Variants in UGT1A5 observed in about 807,000 individuals in gnomAD.
The protein encoded by UGT1A5 is UDP glucuronosyltransferase family 1 member A5, also known as UDP-glucuronosyltransferase 1A5.
In UGT1A5, 29 loss-of-function variants were observed where a neutral mutation model predicts 40.3. The observed-to-expected ratio is 0.72, with a 90% CI of 0.54 to 0.98. UGT1A5 has a LOEUF of 0.98. Among genes scored for constraint, UGT1A5 ranks in the 50% least tolerant of loss-of-function variants. The pLI is 0.00. For synonymous variants in UGT1A5, 257 were observed against 262.5 expected, an observed-to-expected ratio of 0.98 and a Z score of 0.20; for missense variants, 678 against 677.9, an observed-to-expected ratio of 1.00 and a Z score of 0.00.
At chr2:233,737,147 T>C (rs909565111) in intron 1 of UGT1A5, among the ~76,000 whole-genome samples, 2 of 152,240 alleles carry the variant, frequency 1.3e-5, no homozygotes, top group African/African-American at 4.8e-5. Flanking sequence ...TGTTCAGATA[T>C]GCCCTGCCCA....
Position 233,768,455 on chromosome 2 carries a change from CAGA to C in UGT1A5, c.1307+21_1307+23del, listed in dbSNP as rs1237588109. On this transcript the variant is annotated intron_variant, in intron 4 of 4. Transcript: ENST00000373414. The stretch of plus-strand genomic sequence containing the variant: ...ATGACAAAAGGTAAGAAAGAAGATA[CAGA>C]AGAATACTTTGGTCATGGCATTCAT... 4 of 1,610,124 alleles carry C rather than the reference CAGA, an allele frequency of 2.5e-6. No homozygotes were observed. The African/African-American group carries it at 5.4e-5, about 22-fold the overall frequency.
rs939644938 is a variant in UGT1A5 at position 233,772,877 on chromosome 2, G to A, written c.*318G>A. On this transcript the variant is annotated 3_prime_UTR_variant, in exon 5 of 5. Coordinates refer to ENST00000373414, the MANE Select transcript of UGT1A5 (RefSeq NM_019078.2). Reference sequence around the variant, plus strand: ...TGAAACATGGCCTGTTTGGGAGTGCGGGATTCAAAGGTGGTCCCACGGCTG... The same window carrying A: ...TGAAACATGGCCTGTTTGGGAGTGCAGGATTCAAAGGTGGTCCCACGGCTG... 4.0e-5 allele frequency: 23 copies of A among 579,274 alleles called. No individual in the cohort carries two copies. The highest frequency in any genetic ancestry group is 3.1e-4 in the East Asian group (6 of 19,490). The allele number at this position is 579,274 out of a possible 1,614,324, so 35.9% of individuals were successfully genotyped here. A position where few individuals can be genotyped will look rare whatever the true frequency, so the allele number is the denominator to read the frequency against.
chr2:233,762,045 A>C (rs187851388), intron 1 of UGT1A5, among the ~76,000 whole-genome samples: 1 of 151,840 alleles, frequency 6.6e-6, no homozygotes, highest in African/African-American at 2.4e-5. Flanking sequence ...TTTTCTGTGC[A>C]TTTTCCTTCA....
At chr2:233,771,672 A>G (rs1345371063) in intron 4 of UGT1A5, 4 of 152,446 alleles carry the variant, frequency 2.6e-5, no homozygotes, top group Non-Finnish European at 4.4e-5. Flanking sequence ...CTCACAAAAT[A>G]TCACTAAAAA....
chr2:233,748,945 A>T (rs1040839145), intron 1 of UGT1A5, among the ~76,000 whole-genome samples: 1 of 151,666 alleles, frequency 6.6e-6, no homozygotes, highest in Non-Finnish European at 1.5e-5. Context: ...AACCCACCCT[A>T]TCCCACTCCA....
intron 1 of UGT1A5, among the ~76,000 whole-genome samples, chr2:233,758,755 T>C (rs1329338381): frequency 1.3e-5 from 2 of 152,208 alleles, no homozygotes; most frequent in African/African-American, 4.8e-5. Flanking sequence ...TGGCCAGTGA[T>C]GTGTATGGTT....
At position 233,728,248 on chromosome 2, in the gene UGT1A5, GA is replaced by G. The variant is rs150082316; in HGVS notation, c.867+14391del. ...ATCTTCAGGATGAAATAAAGGCCTGGATGACTGAAATAAAGACTGGAGCCTT... is the reference window on the plus strand; with the variant it reads ...ATCTTCAGGATGAAATAAAGGCCTGGTGACTGAAATAAAGACTGGAGCCTT... On this transcript the variant is annotated intron_variant, in intron 1 of 4. Transcript: ENST00000373414. 8.8e-3 allele frequency among the ~76,000 whole-genome samples: 1,334 copies of G among 152,284 alleles called. 20 individuals carry two copies. The highest frequency in any genetic ancestry group is 0.03 in the African/African-American group (1,244 of 41,558).
chr2:233,769,545 C>T lies in UGT1A5; in HGVS notation c.1307+1106C>T. ...ACCTCCTTTAGAAAGAAGCAGCAGT[C>T]AGGAAGACAGATGTGAAGAGCTGGA... is the stretch of plus-strand genomic sequence containing the variant. On this transcript the variant is annotated intron_variant, in intron 4 of 4. Transcript: ENST00000373414. This position sits in a 1 kb window ranked among gnomAD's most constrained non-coding sequence, Gnocchi z 4.4. 6.2e-7 allele frequency: 1 copy of T among 1,612,746 alleles called. No homozygotes were observed. Among genetic ancestry groups the T allele is most frequent in the Non-Finnish European group, 8.5e-7 (1 of 1,179,828 alleles).
At chr2:233,747,246 G>A (rs1208197105) in intron 1 of UGT1A5, 9 of 1,601,988 alleles carry the variant, frequency 5.6e-6, no homozygotes, top group Non-Finnish European at 6.8e-6. Context: ...CCCTGCTGTG[G>A]CTGGCCACAG....
rs1699539864 is a variant in UGT1A5, at chr2:233,767,990, G to A, written c.1087+54G>A. ...CAAACCAGGGTCAAATTAAGAAAATGGCTTAAGCACAGCTATTCTAAAGGA... is the reference window on the plus strand; with the variant it reads ...CAAACCAGGGTCAAATTAAGAAAATAGCTTAAGCACAGCTATTCTAAAGGA... On this transcript the variant is annotated intron_variant, in intron 3 of 4. Coordinates refer to ENST00000373414, the MANE Select transcript of UGT1A5 (RefSeq NM_019078.2). 1.9e-5 allele frequency: 30 copies of A among 1,613,976 alleles called. No individual in the cohort carries two copies. In the South Asian group the frequency reaches 3.2e-4, roughly 17 times the overall value.
chr2:233,772,992 CT>C lies in UGT1A5; in HGVS notation c.*434del. The C allele has an allele frequency of 1.2e-5, 3 of 257,330 alleles. No individual in the cohort carries two copies. Among genetic ancestry groups the C allele is most frequent in the South Asian group, 5.0e-5 (1 of 19,850 alleles). The allele number at this position is 257,330 out of a possible 1,614,324, so 15.9% of individuals were successfully genotyped here. Reference sequence around the variant, plus strand: ...TTAACCAATAATGGTCAGTCCTCATCTCTGTCGTGCTTCATAGGTGCCACCT... The same window carrying C: ...TTAACCAATAATGGTCAGTCCTCATCCTGTCGTGCTTCATAGGTGCCACCT... On this transcript the variant is annotated 3_prime_UTR_variant, in exon 5 of 5. Transcript: ENST00000373414.
chr2:233,731,569 A>G (rs1225013175), intron 1 of UGT1A5, among the ~76,000 whole-genome samples: 1 of 152,190 alleles, frequency 6.6e-6, no homozygotes, highest in African/African-American at 2.4e-5. Context: ...TTTGCTGAGA[A>G]TGATGGTTTA....
intron 1 of UGT1A5, chr2:233,750,548 G>C (rs1694498401): frequency 1.3e-5 from 2 of 151,982 alleles, no homozygotes; most frequent in African/African-American, 4.9e-5. Context: ...GTGCACATCA[G>C]AGACCTTTGC....
Position 233,768,419 on chromosome 2 carries a change from A to G in UGT1A5, c.1287A>G (p.Lys429=), listed in dbSNP as rs766292651. ...CTGAAGATTTAGAAAATGCTCTAAA[A>G]GCAGTCATCAATGACAAAAGGTAAG... The part of the protein sequence containing the change: ...MTSEDLENAL[K]AVINDKSYKE... Residue 429 remains lysine (K), a synonymous_variant, in exon 4 of 5, where the codon AAA becomes AAG. Transcript: ENST00000373414. 1 of 1,614,170 alleles carries G rather than the reference A, an allele frequency of 6.2e-7. No individual in the cohort carries two copies. Among genetic ancestry groups the G allele is most frequent in the Non-Finnish European group, 8.5e-7 (1 of 1,180,020 alleles).
At position 233,760,483 on chromosome 2, in the gene UGT1A5, T is replaced by C. The variant is rs750890851; in HGVS notation, c.868-6551T>C. On this transcript the variant is annotated intron_variant, in intron 1 of 4. Transcript: ENST00000373414. ...AGTTGTCCTAGCACCTGACGCCTCG[T>C]TGTACATCAGAGACGGAGCATTTTA... is the stretch of plus-strand genomic sequence containing the variant. The C allele has an allele frequency of 6.2e-6, 10 of 1,614,116 alleles. No individual in the cohort carries two copies. In the South Asian group the frequency reaches 8.8e-5, roughly 14 times the overall value.
At chr2:233,724,302 T>G (rs1575551867) in intron 1 of UGT1A5, among the ~76,000 whole-genome samples, 1 of 123,338 alleles carries the variant, frequency 8.1e-6, no homozygotes, top group African/African-American at 3.2e-5. Context: ...CCCCCCCACC[T>G]CCCTCCCGGA....
intron 1 of UGT1A5, among the ~76,000 whole-genome samples, chr2:233,735,934 C>T (rs2078711337): frequency 6.6e-6 from 1 of 152,038 alleles, no homozygotes; most frequent in South Asian, 2.1e-4. Context: ...TCTGTGGCTG[C>T]CCTTAACATT....
At chr2:233,744,065 G>A in intron 1 of UGT1A5, 1 of 544,540 alleles carries the variant, frequency 1.8e-6, no homozygotes. Flanking sequence ...CGAGGCCTAT[G>A]AGCGCCTCGC....
intron 1 of UGT1A5, chr2:233,747,962 C>T (rs780665543): frequency 3.7e-6 from 6 of 1,613,470 alleles, no homozygotes; most frequent in Non-Finnish European, 4.2e-6. Context: ...ATCTTCTCAG[C>T]CATGCATCTG....
Sources: allele counts gnomAD v4.1 joint callset (sites outside exome capture counted in the v4.1 genomes callset), GRCh38; gene constraint gnomAD v4.1.1; non-coding constraint Gnocchi (gnomAD v3.1); transcripts MANE v1.5; gene names NCBI Gene and HGNC (gene_info 2026-07-23, HGNC 2026-07-21).